RGS22: variants seen among roughly 807,000 people sequenced by gnomAD.
RGS22 encodes the protein regulator of G protein signaling 22.
Under a neutral mutation model 172.9 loss-of-function variants are expected in RGS22, and 148 were observed. The observed-to-expected ratio is 0.86, with a 90% CI of 0.75 to 0.98. The LOEUF is 0.98. RGS22 is among the 50% of genes least tolerant of loss of function. The pLI is 0.00. For missense variants in RGS22, 1,347 were observed against 1,440.8 expected, an observed-to-expected ratio of 0.93 and a Z score of 1.05; for synonymous variants, 458 against 480.2, an observed-to-expected ratio of 0.95 and a Z score of 0.60.
At chr8:99,963,095 T>A in intron 24 of RGS22, 117 bp from the exon 25 acceptor site, 2 of 762,172 alleles carry the variant, frequency 2.6e-6, no homozygotes, top group Non-Finnish European at 3.9e-6. Context: ...ATAACACACA[T>A]AAAGAAAAGT....
At chr8:100,009,100 G>A (rs1157654011) in intron 14 of RGS22, among the ~76,000 whole-genome samples, 1 of 152,102 alleles carries the variant, frequency 6.6e-6, no homozygotes, top group African/African-American at 2.4e-5. Context: ...ATCCAATGCT[G>A]TGGAAGACAT....
chr8:100,022,842 C>T (rs1373486806), intron 14 of RGS22, among the ~76,000 whole-genome samples: 1 of 151,994 alleles, frequency 6.6e-6, no homozygotes, highest in Non-Finnish European at 1.5e-5. Flanking sequence ...TAGGCTCAAG[C>T]CTAGCCTCCC....
chr8:100,051,493 TATATAATA>T (rs1821316674), intron 10 of RGS22, among the ~76,000 whole-genome samples: 1 of 69,302 alleles, frequency 1.4e-5, no homozygotes, highest in South Asian at 4.3e-4. Flanking sequence ...TTATATATAA[TATATAATA>T]AATATATATA....
chr8:99,962,457 G>T lies in RGS22; in HGVS notation c.3791-14C>A. On this transcript the variant is annotated splice_polypyrimidine_tract_variant and intron_variant, in intron 26 of 27. Coordinates refer to ENST00000360863, the MANE Select transcript of RGS22 (RefSeq NM_015668.5). ...AATGCTGTCACTCTGGAAAAGACAT[G>T]AAGTTTTATGTATATATTTAGTCTT... The T allele has an allele frequency of 6.2e-7, 1 of 1,612,308 alleles. No individual in the cohort carries two copies. The highest frequency in any genetic ancestry group is 8.5e-7 in the Non-Finnish European group (1 of 1,178,432).
At chr8:100,072,431 C>T (rs1014690720) in intron 4 of RGS22, among the ~76,000 whole-genome samples, 1 of 152,004 alleles carries the variant, frequency 6.6e-6, no homozygotes, top group African/African-American at 2.4e-5. Context: ...TTTTAATTCT[C>T]TTAACAATCC....
At chr8:100,074,235 A>G (rs1386574019) in intron 4 of RGS22, among the ~76,000 whole-genome samples, 1 of 152,264 alleles carries the variant, frequency 6.6e-6, no homozygotes, top group African/African-American at 2.4e-5. Context: ...CAAGGCAAAC[A>G]AAGCATCGTT....
chr8:100,011,122 G>A (rs1029063693), intron 14 of RGS22, among the ~76,000 whole-genome samples: 87 of 152,116 alleles, frequency 5.7e-4, no homozygotes, highest in African/African-American at 2.0e-3. Flanking sequence ...GGTAACACTG[G>A]CTAAAGGAAA....
intron 22 of RGS22, among the ~76,000 whole-genome samples, chr8:99,978,710 T>C (rs1812237523): frequency 6.6e-6 from 1 of 152,220 alleles, no homozygotes; most frequent in South Asian, 2.1e-4. Context: ...TTTATAGAGA[T>C]AAGAATAGTT....
At chr8:99,973,389 C>T (rs1331081798) in intron 23 of RGS22, among the ~76,000 whole-genome samples, 1 of 152,046 alleles carries the variant, frequency 6.6e-6, no homozygotes, top group Non-Finnish European at 1.5e-5. Context: ...CTGGAAACCA[C>T]CATTCTCAGC....
chr8:99,996,800 A>C (rs1814449602), intron 19 of RGS22, among the ~76,000 whole-genome samples: 1 of 152,180 alleles, frequency 6.6e-6, no homozygotes, highest in South Asian at 2.1e-4. Context: ...CTCACATGGG[A>C]ACTGAAGCTG....
At chr8:100,000,865 C>A (rs1814965513) in intron 18 of RGS22, among the ~76,000 whole-genome samples, 1 of 152,018 alleles carries the variant, frequency 6.6e-6, no homozygotes, top group Non-Finnish European at 1.5e-5. Flanking sequence ...CTCCCAAAGC[C>A]TTTTGCCAAT....
intron 14 of RGS22, among the ~76,000 whole-genome samples, chr8:100,031,663 G>C (rs1049794617): frequency 2.0e-5 from 3 of 151,984 alleles, no homozygotes; most frequent in Non-Finnish European, 4.4e-5. Flanking sequence ...ATGCTATGGA[G>C]AGTGATAGAT....
intron 22 of RGS22, among the ~76,000 whole-genome samples, chr8:99,980,251 A>G (rs1056929088): frequency 6.6e-6 from 1 of 152,148 alleles, no homozygotes; most frequent in Non-Finnish European, 1.5e-5. Flanking sequence ...AAATATTTTA[A>G]GCAGAGAAGT....
chr8:99,962,584 G>T, intron 26 of RGS22, 103 bp downstream of exon 26: 1 of 1,394,382 alleles, frequency 7.2e-7, no homozygotes, highest in Non-Finnish European at 1.0e-6. Flanking sequence ...GGAGGGGTCG[G>T]TCCTCACCCC....
intron 11 of RGS22, among the ~76,000 whole-genome samples, chr8:100,046,649 TA>T (rs1820751164): frequency 6.7e-6 from 1 of 149,078 alleles, no homozygotes; most frequent in Non-Finnish European, 1.5e-5. Flanking sequence ...CTTACAAAAA[TA>T]AATCTGCTTA....
At chr8:100,011,956 A>C (rs1191545916) in intron 14 of RGS22, among the ~76,000 whole-genome samples, 1 of 152,138 alleles carries the variant, frequency 6.6e-6, no homozygotes, top group Non-Finnish European at 1.5e-5. Context: ...ATAACGAATA[A>C]AGTCAGAAGA....
At chr8:100,017,866 T>C (rs980060723) in intron 14 of RGS22, among the ~76,000 whole-genome samples, 4 of 152,166 alleles carry the variant, frequency 2.6e-5, no homozygotes, top group Non-Finnish European at 5.9e-5. Context: ...ACAGAGTAAA[T>C]AACAATGTAG....
At chr8:99,992,965 C>T (rs1240653245) in intron 20 of RGS22, among the ~76,000 whole-genome samples, 1 of 152,234 alleles carries the variant, frequency 6.6e-6, no homozygotes, top group Non-Finnish European at 1.5e-5. Context: ...AAGAAACTCA[C>T]TCAAAACCAC....
intron 3 of RGS22, among the ~76,000 whole-genome samples, chr8:100,083,992 G>A (rs968209874): frequency 9.9e-5 from 15 of 151,430 alleles, no homozygotes; most frequent in African/African-American, 2.7e-4. Context: ...TGGGCGCCAC[G>A]ACGCCCAACT....
Sources: gnomAD v4.1 joint callset for allele counts (sites outside exome capture counted in the v4.1 genomes callset) on GRCh38, gnomAD v4.1.1 for gene constraint, MANE v1.5 for transcripts, NCBI Gene and HGNC (gene_info 2026-07-23, HGNC 2026-07-21) for gene names.